ANKS1B: variants seen among roughly 807,000 people sequenced by gnomAD.
ANKS1B encodes ankyrin repeat and sterile alpha motif domain containing 1B, also known as ankyrin repeat and sterile alpha motif domain-containing protein 1B.
In ANKS1B, 36 loss-of-function variants were observed where a neutral mutation model predicts 148.3. The ratio of observed to expected loss-of-function variants is 0.24; its 90% confidence interval spans 0.19 to 0.32. The LOEUF is 0.32. Ranked by LOEUF, ANKS1B falls within the 10% of genes least tolerant of loss-of-function variation. The pLI, the probability that ANKS1B is intolerant of heterozygous loss-of-function variation, is 1.00. For missense variants in ANKS1B, 1,157 were observed against 1,542.6 expected, an observed-to-expected ratio of 0.75 and a Z score of 4.19; for synonymous variants, 542 against 560.8, an observed-to-expected ratio of 0.97 and a Z score of 0.47.
At chr12:98,778,652 T>C (rs1032062962) in intron 24 of ANKS1B, among the ~76,000 whole-genome samples, 11 of 152,194 alleles carry the variant, frequency 7.2e-5, no homozygotes, top group African/African-American at 2.7e-4. Flanking sequence ...TATCTGGGCA[T>C]GGTTCCTTTC....
intron 8 of ANKS1B, among the ~76,000 whole-genome samples, chr12:99,680,452 G>A (rs1277835971): frequency 1.3e-5 from 2 of 151,762 alleles, no homozygotes; most frequent in African/African-American, 4.8e-5. Context: ...AAAGGAAGAA[G>A]AAGCAGCAGC....
intron 17 of ANKS1B, among the ~76,000 whole-genome samples, chr12:98,850,598 G>C (rs2099518624): frequency 6.6e-6 from 1 of 151,386 alleles, no homozygotes; most frequent in Non-Finnish European, 1.5e-5. Flanking sequence ...CTTCTGAGTA[G>C]CTGGGACTAC....
Position 99,080,955 on chromosome 12 carries a change from G to T in ANKS1B, c.2625+3970C>A, listed in dbSNP as rs149149855. ...AGGAAAGCTTTTAGAGCTGAGAAAA[G>T]ACAGAGTTGGGGTTGGTGAGGGAAG... is the stretch of plus-strand genomic sequence containing the variant. On this transcript the variant is annotated intron_variant, in intron 16 of 26. Transcript: ENST00000683438. Among the ~76,000 whole-genome samples the T allele has an allele frequency of 3.3e-3, 504 of 152,246 alleles. 2 individuals carry two copies. The highest frequency in any genetic ancestry group is 0.011 in the African/African-American group (477 of 41,558).
chr12:98,963,332 C>T (rs934353760), intron 17 of ANKS1B, among the ~76,000 whole-genome samples: 1 of 152,068 alleles, frequency 6.6e-6, no homozygotes, highest in Non-Finnish European at 1.5e-5. Context: ...GGTGTGCCAA[C>T]ATGCCTGGCT....
intron 1 of ANKS1B, among the ~76,000 whole-genome samples, chr12:99,910,354 CAAAAAAAAAAAAA>C (rs57222450): frequency 1.4e-3 from 71 of 51,108 alleles, no homozygotes; most frequent in African/African-American, 4.9e-3. Context: ...GACTCCATCT[CAAAAAAAAAAAAA>C]AAAAAAAAAA....
chr12:99,678,120 T>C (rs541630334), intron 8 of ANKS1B, among the ~76,000 whole-genome samples: 3 of 152,336 alleles, frequency 2.0e-5, no homozygotes, highest in African/African-American at 4.8e-5. Context: ...CCAAATAAGA[T>C]AGAACAAAAT....
At chr12:98,768,731 C>T (rs2098523782) in intron 25 of ANKS1B, among the ~76,000 whole-genome samples, 1 of 126,350 alleles carries the variant, frequency 7.9e-6, no homozygotes, top group Non-Finnish European at 1.7e-5. Context: ...GAGACTCCAT[C>T]TCAAAAAAAA....
At chr12:99,508,611 A>C (rs2096734767) in intron 9 of ANKS1B, among the ~76,000 whole-genome samples, 1 of 151,870 alleles carries the variant, frequency 6.6e-6, no homozygotes, top group African/African-American at 2.4e-5. Context: ...CTACATGATG[A>C]ACTTGGGTCC....
chr12:98,971,795 C>T (rs1009965642), intron 17 of ANKS1B, among the ~76,000 whole-genome samples: 1 of 152,266 alleles, frequency 6.6e-6, no homozygotes, highest in Non-Finnish European at 1.5e-5. Context: ...TGTGGGAGAT[C>T]CAGCTGTTGT....
chr12:99,516,623 A>G (rs982367935), intron 9 of ANKS1B, among the ~76,000 whole-genome samples: 2 of 152,050 alleles, frequency 1.3e-5, no homozygotes, highest in African/African-American at 4.8e-5. Context: ...CAGGATAAAT[A>G]GCTAATGCAT....
intron 15 of ANKS1B, among the ~76,000 whole-genome samples, chr12:99,131,116 T>C (rs1600663321): frequency 6.6e-6 from 1 of 152,304 alleles, no homozygotes; most frequent in East Asian, 1.9e-4. Flanking sequence ...CCAGTGGCTG[T>C]TTGTTGCCTA....
chr12:99,254,387 T>C (rs528336238), intron 12 of ANKS1B, among the ~76,000 whole-genome samples: 1 of 152,350 alleles, frequency 6.6e-6, no homozygotes, highest in Admixed American at 6.5e-5. Flanking sequence ...ACTTTCATTA[T>C]CTCATGAGTG....
At chr12:99,012,770 TA>T (rs1259126761) in intron 17 of ANKS1B, among the ~76,000 whole-genome samples, 5 of 152,278 alleles carry the variant, frequency 3.3e-5, no homozygotes, top group South Asian at 2.1e-4. Context: ...TCAATTTGTT[TA>T]AAAAAATTCA....
At chr12:99,687,544 T>C (rs558036788) in intron 8 of ANKS1B, among the ~76,000 whole-genome samples, 1 of 152,278 alleles carries the variant, frequency 6.6e-6, no homozygotes, top group East Asian at 1.9e-4. Context: ...CTGTACTTCA[T>C]TTTAGTTTCT....
chr12:98,743,872 TA>T, downstream of ANKS1B: 1 of 535,966 alleles, frequency 1.9e-6, no homozygotes, highest in Non-Finnish European at 2.4e-6. Flanking sequence ...TTTTGCCAAT[TA>T]AAAAAGTCCC....
intron 4 of ANKS1B, among the ~76,000 whole-genome samples, chr12:99,793,236 T>G (rs371489562): frequency 6.6e-6 from 1 of 152,070 alleles, no homozygotes; most frequent in African/African-American, 2.4e-5. Context: ...ATTGGAAGAA[T>G]CAATATTGTT....
chr12:99,838,637 C>T (rs998917355), intron 1 of ANKS1B, among the ~76,000 whole-genome samples: 3 of 152,098 alleles, frequency 2.0e-5, no homozygotes, highest in Non-Finnish European at 4.4e-5. Flanking sequence ...TTTACTAAAT[C>T]ATTCTATCTT....
At chr12:99,307,845 T>A (rs941928933) in intron 12 of ANKS1B, among the ~76,000 whole-genome samples, 1 of 152,040 alleles carries the variant, frequency 6.6e-6, no homozygotes, top group East Asian at 1.9e-4. Flanking sequence ...GAAAAAACAA[T>A]TCTCCAAAGG....
At chr12:99,932,312 T>C (rs1460952836) in intron 1 of ANKS1B, among the ~76,000 whole-genome samples, 1 of 152,140 alleles carries the variant, frequency 6.6e-6, no homozygotes, top group Non-Finnish European at 1.5e-5. Flanking sequence ...GATCATATGG[T>C]ATTTCTCTAT....
Sources: gnomAD v4.1 joint callset for allele counts (sites outside exome capture counted in the v4.1 genomes callset) on GRCh38, gnomAD v4.1.1 for gene constraint, MANE v1.5 for transcripts, NCBI Gene and HGNC (gene_info 2026-07-23, HGNC 2026-07-21) for gene names.